The following PCDHGA6 variants were observed in gnomAD, a reference collection of about 807,000 sequenced individuals.
PCDHGA6 encodes the protein protocadherin gamma-A6.
A neutral mutation model predicts 60.6 loss-of-function variants in PCDHGA6; 41 were observed. The ratio of observed to expected loss-of-function variants is 0.68; its 90% CI spans 0.53 to 0.88. The LOEUF is 0.88. PCDHGA6 is among the 40% of genes least tolerant of loss of function. The pLI is 0.00. For missense variants in PCDHGA6, 1,312 were observed against 1,203.0 expected (o/e 1.09, Z -1.34); for synonymous variants, 594 against 524.4 (o/e 1.13, Z -1.81).
chr5:141,420,505 T>C (rs923726040), intron 1 of PCDHGA6: 4 of 457,906 alleles, frequency 8.7e-6, no homozygotes, highest in Middle Eastern at 6.0e-4. Context: ...GGTGACATTT[T>C]TATGAAGTAA....
chr5:141,450,823 A>AT (rs1453980247), intron 1 of PCDHGA6, among the ~76,000 whole-genome samples: 4 of 133,078 alleles, frequency 3.0e-5, no homozygotes, highest in African/African-American at 1.2e-4. Context: ...TAATATTATT[A>AT]TTATTATTTT....
In PCDHGA6 at chr5:141,432,670, G is replaced by C; in HGVS notation, c.2424+56163G>C. On this transcript the variant is annotated intron_variant, in intron 1 of 3. Transcript: ENST00000517434. The surrounding 1 kb of genome is among the most constrained non-coding windows in gnomAD (Gnocchi z 6.0). ...CGCGAGCCCTGCTGGACAGAGACGCGCTCAAGCAGAGCCTCGTAGTGGCCG... is the reference window on the plus strand; with the variant it reads ...CGCGAGCCCTGCTGGACAGAGACGCCCTCAAGCAGAGCCTCGTAGTGGCCG... 1 of 1,613,868 alleles carries C rather than the reference G, an allele frequency of 6.2e-7. No homozygotes were observed. The highest frequency in any genetic ancestry group is 8.5e-7 in the Non-Finnish European group (1 of 1,179,940).
rs1771037027 is a variant in PCDHGA6 at position 141,375,010 on chromosome 5, T to C, written c.927T>C (p.Tyr309=). ...GEISTSANLD[Y]EDSSFYELGV... is the part of the protein sequence containing the mutation. ...TTTCAACTTCTGCAAATCTAGACTA[T>C]GAGGACTCGAGTTTTTATGAGCTGG... is the stretch of plus-strand genomic sequence containing the variant. The change falls in exon 1 of 4, where the codon TAT becomes TAC. Residue 309 remains tyrosine (Y), a synonymous_variant. Coordinates refer to ENST00000517434, the MANE Select transcript of PCDHGA6 (RefSeq NM_018919.3). 1.9e-6 allele frequency: 3 copies of C among 1,613,932 alleles called. No individual in the cohort carries two copies. Among genetic ancestry groups the C allele is most frequent in the Non-Finnish European group, 1.7e-6 (2 of 1,179,910 alleles).
At chr5:141,390,414 G>A in intron 1 of PCDHGA6, 1 of 1,159,988 alleles carries the variant, frequency 8.6e-7, no homozygotes, top group Non-Finnish European at 1.2e-6. Context: ...GTTGTAGTCA[G>A]TTAAAAAGCT....
chr5:141,443,618 G>A (rs901899343), intron 1 of PCDHGA6, among the ~76,000 whole-genome samples: 2 of 152,178 alleles, frequency 1.3e-5, no homozygotes, highest in Non-Finnish European at 2.9e-5. Context: ...TTATAATCAG[G>A]TGATTGTAAA....
In PCDHGA6 at chr5:141,375,951, C is replaced by G. The variant is rs767101939; in HGVS notation, c.1868C>G (p.Thr623Arg). Residue 623 changes from threonine (T) to arginine (R), a missense_variant, in exon 1 of 4, where the codon ACG becomes AGG. Physicochemically the swap from Thr to Arg is moderately conservative, Grantham distance 71. Transcript: ENST00000517434. ...EPGLFSVGLH[T>R]GEVRTARALL... ...GGACTTTTCTCAGTGGGCCTGCACA[C>G]GGGCGAGGTGCGCACGGCGCGCGCC... 2 of 1,613,526 alleles carry G rather than the reference C, an allele frequency of 1.2e-6. No homozygotes were observed. Among genetic ancestry groups the G allele is most frequent in the Admixed American group, 3.3e-5 (2 of 60,016 alleles).
intron 1 of PCDHGA6, chr5:141,399,412 T>A: frequency 6.2e-7 from 1 of 1,613,948 alleles, no homozygotes; most frequent in Non-Finnish European, 8.5e-7. Flanking sequence ...GCCGCCCCTC[T>A]CCTCCAGCAT....
chr5:141,413,711 A>G (rs752076648), intron 1 of PCDHGA6: 199 of 1,613,564 alleles, frequency 1.2e-4, no homozygotes, highest in Non-Finnish European at 1.4e-4. Context: ...CTCAGCCCCA[A>G]TAAGCACTTC....
intron 3 of PCDHGA6, 152 bp from the exon 4 acceptor site, chr5:141,510,795 G>C (rs994874330): frequency 9.3e-5 from 136 of 1,465,100 alleles, no homozygotes; most frequent in Admixed American, 1.7e-4. Flanking sequence ...CTTGTGAAGA[G>C]AGACTACCTT....
chr5:141,392,597 C>G (rs761805266), intron 1 of PCDHGA6: 11 of 501,346 alleles, frequency 2.2e-5, no homozygotes, highest in Non-Finnish European at 3.8e-5. Context: ...TGTTCACCTA[C>G]TGGAAGACAA....
At chr5:141,428,163 C>T (rs759273230) in intron 1 of PCDHGA6, 77 of 1,564,636 alleles carry the variant, frequency 4.9e-5, no homozygotes, top group Non-Finnish European at 6.3e-5. Flanking sequence ...CTGCTGGTTG[C>T]TGTGCGTGAC....
Position 141,477,337 on chromosome 5 carries a change from C to T in PCDHGA6, c.2425-17470C>T. ...TTACTTCTTCCCTCAAGAATTACTT[C>T]ACTTTGAAAACCAGTGCAGACCTGG... On this transcript the variant is annotated intron_variant, in intron 1 of 3. Transcript: ENST00000517434. The surrounding 1 kb of genome is among the most constrained non-coding windows in gnomAD (Gnocchi z 4.9). The T allele has an allele frequency of 1.2e-6, 2 of 1,614,166 alleles. No individual in the cohort carries two copies. Among genetic ancestry groups the T allele is most frequent in the Non-Finnish European group, 1.7e-6 (2 of 1,180,028 alleles).
intron 1 of PCDHGA6, chr5:141,413,678 T>G (rs201325660): frequency 5.6e-6 from 9 of 1,613,632 alleles, no homozygotes; most frequent in Non-Finnish European, 7.6e-6. Flanking sequence ...GATGTGGGCG[T>G]GAACTCCCTG....
chr5:141,383,849 T>C (rs757932608), intron 1 of PCDHGA6: 9 of 1,613,952 alleles, frequency 5.6e-6, no homozygotes, highest in South Asian at 4.4e-5. Flanking sequence ...TTCTATGAAA[T>C]GGAGGTTCAG....
chr5:141,442,472 C>T (rs1032989256), intron 1 of PCDHGA6: 1 of 152,204 alleles, frequency 6.6e-6, no homozygotes, highest in Non-Finnish European at 1.5e-5. Context: ...GCAGAAAGCC[C>T]CTTGGGGAAG....
At position 141,463,438 on chromosome 5, in the gene PCDHGA6, C is replaced by CTTTTT. The variant is rs71576115; in HGVS notation, c.2425-31345_2425-31341dup. On this transcript the variant is annotated intron_variant, in intron 1 of 3. Coordinates refer to ENST00000517434, the MANE Select transcript of PCDHGA6 (RefSeq NM_018919.3). ...GTTTGCGGATCCTCATTTCCTTCTC[C>CTTTTT]TTTTTTTTTTTTTTTTTTTTTTTTT... is the stretch of plus-strand genomic sequence containing the variant. 3.0e-4 allele frequency among the ~76,000 whole-genome samples: 31 copies of CTTTTT among 103,252 alleles called. 1 individual carries two copies. Among genetic ancestry groups the CTTTTT allele is most frequent in the African/African-American group, 1.2e-3 (26 of 22,402 alleles). The allele number at this position is 103,252 out of a possible 152,430, so 67.7% of individuals were successfully genotyped here.
Position 141,493,404 on chromosome 5 carries a change from C to T in PCDHGA6, c.2425-1403C>T, listed in dbSNP as rs2099748048. Among the ~76,000 whole-genome samples, 1 of 152,148 alleles carries T rather than the reference C, an allele frequency of 6.6e-6. No individual in the cohort carries two copies. Among genetic ancestry groups the T allele is most frequent in the South Asian group, 2.1e-4 (1 of 4,826 alleles). ...CTTGAGGACAGGAGAGGGGAGTTGC[C>T]TCTGCTGGGATTTTGCTTCTGCTGG... On this transcript the variant is annotated intron_variant, in intron 1 of 3. Transcript: ENST00000517434. The surrounding 1 kb of genome is among the most constrained non-coding windows in gnomAD (Gnocchi z 4.3).
At chr5:141,478,417 C>G in intron 1 of PCDHGA6, 1 of 1,613,652 alleles carries the variant, frequency 6.2e-7, no homozygotes, top group Non-Finnish European at 8.5e-7. Context: ...CGGACTCCCG[C>G]CGCAGCGACC....
intron 1 of PCDHGA6, chr5:141,427,747 C>A (rs2097063869): frequency 1.6e-6 from 2 of 1,277,502 alleles, no homozygotes; most frequent in Non-Finnish European, 2.2e-6. Flanking sequence ...GTCTCCTACT[C>A]CATCGTTACC....
Sources: gnomAD v4.1 joint callset for allele counts (sites outside exome capture counted in the v4.1 genomes callset) on GRCh38, gnomAD v4.1.1 for gene constraint, Gnocchi (gnomAD v3.1) non-coding constraint, MANE v1.5 for transcripts, NCBI Gene and HGNC (gene_info 2026-07-23, HGNC 2026-07-21) for gene names.